Variants in ATG16L2 observed in about 807,000 individuals in gnomAD.
The protein encoded by ATG16L2 is autophagy related 16 like 2, also known as protein Atg16l2.
ATG16L2 carries 77 observed loss-of-function variants against 84.7 expected under a neutral mutation model. That is an observed-to-expected ratio of 0.91 (90% CI 0.76 to 1.10). The LOEUF is 1.10. ATG16L2 is among the 50% of genes least tolerant of loss of function. ATG16L2 has a pLI of 0.00. For synonymous variants in ATG16L2, 361 were observed against 342.8 expected, an observed-to-expected ratio of 1.05 and a Z score of -0.59; for missense variants, 782 against 817.6, an observed-to-expected ratio of 0.96 and a Z score of 0.53.
At chr11:72,827,096 T>C (rs3862793) in intron 13 of ATG16L2, 92 bp from the exon 14 acceptor site, 1,042,259 of 1,043,298 alleles carry the variant, frequency 1, 520,615 homozygotes, top group East Asian at 1. Context: ...GGGAGGACAC[T>C]GGGTTCTGGG....
At position 72,826,768 on chromosome 11, in the gene ATG16L2, AGTGACTGGGAGCC is replaced by A; in HGVS notation, c.1313_1325del (p.Val438AlafsTer5). On this transcript the variant is annotated frameshift_variant, in exon 13 of 18. Coordinates refer to ENST00000321297, the MANE Select transcript of ATG16L2 (RefSeq NM_033388.2). LOFTEE classifies it high-confidence loss of function. ...AATTCAAGCTAACGAGGCACCAGGC[AGTGACTGGGAGCC>A]GCGACCGGACAGTGAAGGAGTGGGA... 4 of 1,614,080 alleles carry A rather than the reference AGTGACTGGGAGCC, an allele frequency of 2.5e-6. No individual in the cohort carries two copies. The highest frequency in any genetic ancestry group is 3.4e-6 in the Non-Finnish European group (4 of 1,179,990).
Position 72,825,273 on chromosome 11 carries a change from C to T in ATG16L2, c.997-29C>T, listed in dbSNP as rs765294104. On this transcript the variant is annotated intron_variant, in intron 9 of 17. Transcript: ENST00000321297. ...TCACAGAGACATGCGCGGGGAGGGC[C>T]GGGGCACCAACCTCCCCTTTCCCCA... is the stretch of plus-strand genomic sequence containing the variant. 136 of 1,580,376 alleles carry T rather than the reference C, an allele frequency of 8.6e-5. 1 individual carries two copies. Among genetic ancestry groups the T allele is most frequent in the East Asian group, 1.3e-4 (6 of 44,662 alleles).
intron 1 of ATG16L2, among the ~76,000 whole-genome samples, 178 bp from the exon 2 acceptor site, chr11:72,816,550 G>C (rs1343696091): frequency 6.6e-6 from 1 of 152,240 alleles, no homozygotes; most frequent in African/African-American, 2.4e-5. Flanking sequence ...TAGGGCTGAA[G>C]GTCCTGTAGA....
intron 5 of ATG16L2, chr11:72,838,694 C>T (rs1355416252): frequency 2.1e-5 from 21 of 1,000,578 alleles, no homozygotes; most frequent in Non-Finnish European, 3.1e-5. Flanking sequence ...TTGCTCTGTT[C>T]AAGAGTCATC....
downstream of ATG16L2, among the ~76,000 whole-genome samples, chr11:72,833,913 C>T (rs1475437577): frequency 6.8e-6 from 1 of 147,126 alleles, no homozygotes; most frequent in Admixed American, 7.0e-5. Flanking sequence ...ACGAGCGAAA[C>T]TCCGTCTCAA....
At chr11:72,831,642 T>C (rs7936074), downstream of ATG16L2, among the ~76,000 whole-genome samples, 1,693 of 152,184 alleles carry the variant, frequency 0.011, 13 homozygotes, top group Non-Finnish European at 0.018. Flanking sequence ...CCACCAGGGG[T>C]CACCAGCTGC....
In ATG16L2 at chr11:72,814,460, C is replaced by A; in HGVS notation, c.15C>A (p.Gly5=). 1 of 1,505,686 alleles carries A rather than the reference C, an allele frequency of 6.6e-7. No individual in the cohort carries two copies. The highest frequency in any genetic ancestry group is 8.9e-7 in the Non-Finnish European group (1 of 1,122,428). 93.3% of individuals were successfully genotyped at this position (1,505,686 alleles called of 1,614,324 possible). A position where few individuals can be genotyped will look rare whatever the true frequency, so the allele number is the denominator to read the frequency against. The change falls in exon 1 of 18, where the codon GGC becomes GGA. Residue 5 remains glycine (G), a synonymous_variant. Transcript: ENST00000321297. MAGP[G]VPGAPAARWK... is the part of the protein sequence containing the mutation. ...AGAGCGCGGCCATGGCGGGGCCGGG[C>A]GTCCCCGGTGCCCCCGCAGCGCGCT...
At chr11:72,824,587 T>C in intron 8 of ATG16L2, 147 bp from the exon 9 acceptor site, 1 of 671,274 alleles carries the variant, frequency 1.5e-6, no homozygotes, top group Admixed American at 2.2e-5. Flanking sequence ...CGAGGCTGGG[T>C]TGGGGAATGC....
chr11:72,840,991 C>A (rs1402105802), intron 5 of ATG16L2: 2 of 1,541,384 alleles, frequency 1.3e-6, no homozygotes, highest in Non-Finnish European at 1.8e-6. Flanking sequence ...GCTCATTTTA[C>A]TTGAGTTGTT....
In ATG16L2 at chr11:72,814,465, C is replaced by A. The variant is rs749696419; in HGVS notation, c.20C>A (p.Pro7His). The A allele has an allele frequency of 2.0e-6, 3 of 1,512,812 alleles. No individual in the cohort carries two copies. The South Asian group carries it at 3.7e-5, about 19-fold the overall frequency. The allele number at this position is 1,512,812 out of a possible 1,614,324, so 93.7% of individuals were successfully genotyped here. MAGPGV[P>H]GAPAARWKRH... is the part of the protein sequence containing the mutation. Reference sequence around the variant, plus strand: ...GCGGCCATGGCGGGGCCGGGCGTCCCCGGTGCCCCCGCAGCGCGCTGGAAA... The same window carrying A: ...GCGGCCATGGCGGGGCCGGGCGTCCACGGTGCCCCCGCAGCGCGCTGGAAA... The change falls in exon 1 of 18, where the codon CCC becomes CAC. Residue 7 changes from proline (P) to histidine (H), a missense_variant. Pro to His is a moderately conservative substitution (Grantham distance 77). Transcript: ENST00000321297.
rs1345896976 is a variant in ATG16L2, at chr11:72,822,962, G to C, written c.824+1G>C. On this transcript the variant is annotated splice_donor_variant, in intron 7 of 17. Coordinates refer to ENST00000321297, the MANE Select transcript of ATG16L2 (RefSeq NM_033388.2). LOFTEE classifies it high-confidence loss of function. The surrounding 1 kb of genome is among the most constrained non-coding windows in gnomAD (Gnocchi z 4.2). ...GTGAGAAGTGGAAGAGGCCCTTCAGGTGAGGACCCAGGTGACAGTCTCAGA... is the reference window on the plus strand; with the variant it reads ...GTGAGAAGTGGAAGAGGCCCTTCAGCTGAGGACCCAGGTGACAGTCTCAGA... 1 of 1,558,334 alleles carries C rather than the reference G, an allele frequency of 6.4e-7. No homozygotes were observed. Among genetic ancestry groups the C allele is most frequent in the Non-Finnish European group, 8.7e-7 (1 of 1,149,552 alleles).
At chr11:72,832,403 A>G (rs1860625290), downstream of ATG16L2, among the ~76,000 whole-genome samples, 3 of 152,142 alleles carry the variant, frequency 2.0e-5, no homozygotes, top group Admixed American at 2.0e-4. Flanking sequence ...TCCTGGAGGA[A>G]CAAGTCTGTA....
At chr11:72,821,300 C>T (rs576384327) in intron 3 of ATG16L2, 2 of 1,034,000 alleles carry the variant, frequency 1.9e-6, no homozygotes, top group South Asian at 3.6e-5. Context: ...CATTTGGCAG[C>T]CTCTGCGCGA....
chr11:72,822,707 C>T lies in ATG16L2; in HGVS notation c.711-141C>T. 1 of 1,068,296 alleles carries T rather than the reference C, an allele frequency of 9.4e-7. No individual in the cohort carries two copies. The highest frequency in any genetic ancestry group is 1.4e-6 in the Non-Finnish European group (1 of 739,154). 66.2% of individuals were successfully genotyped at this position (1,068,296 alleles called of 1,614,324 possible). On this transcript the variant is annotated intron_variant, in intron 6 of 17. Coordinates refer to ENST00000321297, the MANE Select transcript of ATG16L2 (RefSeq NM_033388.2). This position sits in a 1 kb window ranked among gnomAD's most constrained non-coding sequence, Gnocchi z 4.2. ...GCAGAGGACCGTGTGGTCGTAGGAG[C>T]CTGCATGCGTGACCGCTGCACGTGT... is the stretch of plus-strand genomic sequence containing the variant.
chr11:72,828,271 C>T, intron 14 of ATG16L2, 88 bp from the exon 15 acceptor site: 1 of 1,502,906 alleles, frequency 6.7e-7, no homozygotes, highest in Non-Finnish European at 9.1e-7. Flanking sequence ...ACTTGGTTAG[C>T]TAGGAAGGCT....
In ATG16L2 at chr11:72,827,291, C is replaced by A; in HGVS notation, c.1470C>A (p.Ser490Arg). The change falls in exon 14 of 18, where the codon AGC becomes AGA. Residue 490 changes from serine (S) to arginine (R), a missense_variant and splice_region_variant. By Grantham distance (110) the Ser-to-Arg change is moderately radical (BLOSUM62 -1). Transcript: ENST00000321297. Reference protein sequence around the residue: ...HNDQKIRFWDSRGPHCTQVIP... With the variant: ...HNDQKIRFWDRRGPHCTQVIP... ...ACCAGAAGATCCGGTTCTGGGACAG[C>A]AGGTGACAGGCGCAGGCTGGGGGAG... The A allele has an allele frequency of 6.2e-7, 1 of 1,612,774 alleles. No individual in the cohort carries two copies. The highest frequency in any genetic ancestry group is 8.5e-7 in the Non-Finnish European group (1 of 1,178,786).
chr11:72,842,035 C>A (rs7940683), intron 5 of ATG16L2, among the ~76,000 whole-genome samples: 1 of 152,204 alleles, frequency 6.6e-6, no homozygotes, highest in African/African-American at 2.4e-5. Context: ...TCGGCAAACA[C>A]GTTCCTTCTT....
intron 7 of ATG16L2, chr11:72,823,595 TG>T: frequency 2.3e-6 from 1 of 428,096 alleles, no homozygotes. Context: ...GAAGAAACCG[TG>T]GGGAGGGGCA....
intron 5 of ATG16L2, chr11:72,840,959 T>C (rs1218167332): frequency 1.9e-6 from 3 of 1,611,528 alleles, no homozygotes; most frequent in Non-Finnish European, 2.5e-6. Context: ...AAGGCTTTTT[T>C]CTAAGGGAGA....
Sources: allele counts gnomAD v4.1 joint callset (sites outside exome capture counted in the v4.1 genomes callset), GRCh38; gene constraint gnomAD v4.1.1; non-coding constraint Gnocchi (gnomAD v3.1); transcripts MANE v1.5; gene names NCBI Gene and HGNC (gene_info 2026-07-23, HGNC 2026-07-21).